Variants in USO1 observed in about 807,000 individuals in gnomAD.
USO1 encodes the protein USO1 vesicle transport factor, also known as general vesicular transport factor p115.
In USO1, 57 loss-of-function variants were observed where a neutral mutation model predicts 124.5. The observed-to-expected ratio is 0.46, with a 90% CI of 0.37 to 0.57. USO1 has a LOEUF of 0.57. Among genes scored for constraint, USO1 ranks in the 20% least tolerant of loss-of-function variants. The probability of loss-of-function intolerance (pLI) is 0.00; values close to 1 mark genes in which losing one functional copy is unlikely to be tolerated. For missense variants in USO1, 900 were observed against 1,040.6 expected (o/e 0.86, Z 1.86); for synonymous variants, 369 against 362.8 (o/e 1.02, Z -0.19).
intron 4 of USO1, among the ~76,000 whole-genome samples, chr4:75,764,775 G>A (rs1721717083): frequency 6.6e-6 from 1 of 152,168 alleles, no homozygotes; most frequent in South Asian, 2.1e-4. Context: ...AGTATTTTAA[G>A]TAAGGTGAAT....
At chr4:75,797,161 C>A (rs1722708666) in intron 13 of USO1, among the ~76,000 whole-genome samples, 1 of 151,998 alleles carries the variant, frequency 6.6e-6, no homozygotes, top group Non-Finnish European at 1.5e-5. Flanking sequence ...AGAGCGAGAC[C>A]TGGTCTCCAA....
At chr4:75,766,161 AAG>A (rs1308894306) in intron 4 of USO1, among the ~76,000 whole-genome samples, 3 of 152,188 alleles carry the variant, frequency 2.0e-5, no homozygotes, top group South Asian at 4.1e-4. Flanking sequence ...TTTTATGAGA[AAG>A]AGAGAAATAT....
intron 3 of USO1, 32 bp from the exon 4 acceptor site, chr4:75,757,464 CA>C (rs1313794184): frequency 2.1e-6 from 3 of 1,434,098 alleles, no homozygotes; most frequent in South Asian, 2.9e-5. Flanking sequence ...CTCTCATCAG[CA>C]GTGTATAAGT....
At chr4:75,744,789 A>G in intron 1 of USO1, 1 of 321,562 alleles carries the variant, frequency 3.1e-6, no homozygotes, top group Non-Finnish European at 6.1e-6. Flanking sequence ...ATGCTGTGTA[A>G]GTGTATAAAA....
intron 8 of USO1, among the ~76,000 whole-genome samples, chr4:75,780,640 C>CTTTTTTTTTTTT (rs71210204): frequency 1.2e-4 from 7 of 59,138 alleles, no homozygotes; most frequent in East Asian, 1.3e-3. Context: ...TAAATTTTGA[C>CTTTTTTTTTTTT]TTTTTTTTTT....
At chr4:75,805,955 G>A (rs1236700278) in intron 19 of USO1, among the ~76,000 whole-genome samples, 1 of 151,974 alleles carries the variant, frequency 6.6e-6, no homozygotes, top group East Asian at 1.9e-4. Context: ...GCAGGTAAAT[G>A]CTTAGATTTA....
chr4:75,788,455 A>G (rs543622666), intron 10 of USO1, among the ~76,000 whole-genome samples: 1 of 152,030 alleles, frequency 6.6e-6, no homozygotes, highest in Non-Finnish European at 1.5e-5. Context: ...GACAGGAGCC[A>G]ATGCTCCTGG....
Position 75,804,118 on chromosome 4 carries a change from A to G in USO1, c.1987-16A>G. ...AGTATGACTTTAAAACACATGAATT[A>G]TGTTTTGTTTCACAGGATCTCCAAC... On this transcript the variant is annotated splice_polypyrimidine_tract_variant and intron_variant, in intron 17 of 23. Coordinates refer to ENST00000514213, the MANE Select transcript of USO1 (RefSeq NM_003715.4). 6.2e-7 allele frequency: 1 copy of G among 1,610,768 alleles called. No homozygotes were observed. Among genetic ancestry groups the G allele is most frequent in the Non-Finnish European group, 8.5e-7 (1 of 1,178,694 alleles).
chr4:75,805,024 G>T lies in USO1; in HGVS notation c.2126-116G>T. ...CATTCTGCAAAGATGAAATGTGATTGCAAAAGTGCTGCCAAAGTAATTGAA... is the reference window on the plus strand; with the variant it reads ...CATTCTGCAAAGATGAAATGTGATTTCAAAAGTGCTGCCAAAGTAATTGAA... On this transcript the variant is annotated intron_variant, in intron 18 of 23. Transcript: ENST00000514213. 2.3e-6 allele frequency: 3 copies of T among 1,330,268 alleles called. No individual in the cohort carries two copies. The South Asian group carries it at 5.1e-5, about 22-fold the overall frequency. The allele number at this position is 1,330,268 out of a possible 1,614,324, so 82.4% of individuals were successfully genotyped here.
At chr4:75,805,347 G>T (rs748541255) in intron 19 of USO1, 44 bp downstream of exon 19, 2 of 1,470,910 alleles carry the variant, frequency 1.4e-6, no homozygotes, top group Non-Finnish European at 1.8e-6. Context: ...TTCAAGAGTG[G>T]TTCTCATTAT....
intron 21 of USO1, 59 bp from the exon 22 acceptor site, chr4:75,810,373 G>GGAGTA: frequency 6.7e-7 from 1 of 1,498,622 alleles, no homozygotes. Context: ...TAACCCTTTG[G>GGAGTA]GAGTTCATAT....
intron 3 of USO1, among the ~76,000 whole-genome samples, chr4:75,752,851 T>A (rs1250886158): frequency 6.6e-6 from 1 of 152,132 alleles, no homozygotes; most frequent in Non-Finnish European, 1.5e-5. Flanking sequence ...ATACTAAAGC[T>A]GTTAAGTTTT....
chr4:75,773,636 C>T (rs1219315133), intron 7 of USO1, among the ~76,000 whole-genome samples: 1 of 152,150 alleles, frequency 6.6e-6, no homozygotes, highest in Non-Finnish European at 1.5e-5. Flanking sequence ...ATTTTCTCCA[C>T]TGTATTTCTT....
intron 14 of USO1, 28 bp downstream of exon 14, chr4:75,799,760 TGTAA>T (rs774008450): frequency 2.5e-6 from 4 of 1,607,908 alleles, no homozygotes; most frequent in Admixed American, 1.7e-5. Context: ...GTAACGTACA[TGTAA>T]GTATTTATAT....
intron 1 of USO1, chr4:75,745,472 T>C (rs1415169237): frequency 2.4e-6 from 1 of 418,494 alleles, no homozygotes; most frequent in Non-Finnish European, 4.8e-6. Flanking sequence ...TTTCTCTACA[T>C]AGGAGAAAGA....
chr4:75,795,650 T>C (rs915231791), intron 13 of USO1, among the ~76,000 whole-genome samples: 1 of 152,190 alleles, frequency 6.6e-6, no homozygotes, highest in Non-Finnish European at 1.5e-5. Context: ...TTTTGTGTTT[T>C]TTCTCCAAGC....
chr4:75,749,398 C>CTTT (rs1166073597), intron 1 of USO1, among the ~76,000 whole-genome samples: 1 of 147,046 alleles, frequency 6.8e-6, no homozygotes, highest in Non-Finnish European at 1.5e-5. Flanking sequence ...CTTATACTTT[C>CTTT]TTTTTGTTTT....
chr4:75,797,560 CAA>C (rs34297170), intron 13 of USO1, among the ~76,000 whole-genome samples: 1,329 of 111,476 alleles, frequency 0.012, 28 homozygotes, highest in African/African-American at 0.042. Context: ...GTTCCAGAAG[CAA>C]AAAAAAAAAA....
At chr4:75,752,667 A>G (rs1208224570) in intron 3 of USO1, 63 bp downstream of exon 3, 2 of 397,746 alleles carry the variant, frequency 5.0e-6, no homozygotes, top group African/African-American at 4.1e-5. Flanking sequence ...TAGAGTCAGC[A>G]TCACTATTCC....
Sources: allele counts gnomAD v4.1 joint callset (sites outside exome capture counted in the v4.1 genomes callset), GRCh38; gene constraint gnomAD v4.1.1; transcripts MANE v1.5; gene names NCBI Gene and HGNC (gene_info 2026-07-23, HGNC 2026-07-21).